Variants in AGXT observed in about 807,000 individuals in gnomAD.
AGXT encodes the protein L-alanine: glyoxylate aminotransferase 1.
AGXT carries 41 observed loss-of-function variants against 46.9 expected under a neutral mutation model. The ratio of observed to expected loss-of-function variants is 0.88; its 90% CI spans 0.68 to 1.14. AGXT has a LOEUF of 1.14. Ranked by LOEUF, AGXT falls within the 50% of genes most tolerant of loss-of-function variation. The pLI is 0.00. For missense variants in AGXT, 525 were observed against 522.7 expected (o/e 1.00, Z -0.04); for synonymous variants, 244 against 227.9 (o/e 1.07, Z -0.64).
intron 8 of AGXT, among the ~76,000 whole-genome samples, chr2:240,876,539 C>T (rs2059025632): frequency 6.6e-6 from 1 of 152,190 alleles, no homozygotes; most frequent in South Asian, 2.1e-4. Context: ...AGCAGCTCTG[C>T]AGGCCACGAG....
In AGXT at chr2:240,868,989, G is replaced by A. The variant is rs779515162; in HGVS notation, c.124G>A (p.Gly42Arg). The change falls in exon 1 of 11, where the codon GGG (glycine) becomes AGG (arginine). Residue 42 changes from glycine to arginine, a missense_variant. Physicochemically the swap from Gly to Arg is moderately radical, Grantham distance 125 (BLOSUM62 -2). Transcript: ENST00000307503. ...NLPPRIMAAG[G>R]LQMIGSMSKD... ...GCCTCCTCGCATCATGGCAGCCGGG[G>A]GGCTGCAGATGATCGGGTCCATGAG... 6.6e-7 allele frequency: 1 copy of A among 1,523,086 alleles called. No individual in the cohort carries two copies. The highest frequency in any genetic ancestry group is 1.8e-4 in the Middle Eastern group (1 of 5,690). The allele number at this position is 1,523,086 out of a possible 1,614,324, so 94.3% of individuals were successfully genotyped here. A position where few individuals can be genotyped will look rare whatever the true frequency, so the allele number is the denominator to read the frequency against.
In AGXT at chr2:240,877,430, C is replaced by T. The variant is rs780840772; in HGVS notation, c.847-107C>T. 2.0e-5 allele frequency: 23 copies of T among 1,144,382 alleles called. No homozygotes were observed. The South Asian group carries it at 3.0e-4, about 15-fold the overall frequency. 70.9% of individuals were successfully genotyped at this position (1,144,382 alleles called of 1,614,324 possible). ...CAAACTGGGGGCTCCAGGGGCTCCC[C>T]TGCACCAAGGCCTGCAGAGTCAGGT... is the stretch of plus-strand genomic sequence containing the variant. On this transcript the variant is annotated intron_variant, in intron 8 of 10. Transcript: ENST00000307503.
rs762757818 is a variant in AGXT, at chr2:240,875,179, T to A, written c.751T>A (p.Trp251Arg). 7 of 1,613,716 alleles carry A rather than the reference T, an allele frequency of 4.3e-6. No individual in the cohort carries two copies. The East Asian group carries it at 1.6e-4, about 36-fold the overall frequency. Reference sequence around the variant, plus strand: ...GGACATCAAGTGGCTGGCCAACTTCTGGGGCTGTGACGACCAGCCCAGGAT... The same window carrying A: ...GGACATCAAGTGGCTGGCCAACTTCAGGGGCTGTGACGACCAGCCCAGGAT... ...YLDIKWLANF[W>R]GCDDQPRMYH... Residue 251 changes from tryptophan (W) to arginine (R), a missense_variant, in exon 7 of 11, where the codon TGG becomes AGG. Physicochemically the swap from Trp to Arg is moderately radical, Grantham distance 101. Coordinates refer to ENST00000307503, the MANE Select transcript of AGXT (RefSeq NM_000030.3).
chr2:240,875,844 G>A, intron 7 of AGXT, 91 bp from the exon 8 acceptor site: 1 of 1,377,900 alleles, frequency 7.3e-7, no homozygotes, highest in South Asian at 1.2e-5. Context: ...CAGAGAGCCT[G>A]TGCTGTTGGG....
At chr2:240,870,831 C>G in intron 3 of AGXT, 123 bp downstream of exon 3, 2 of 936,190 alleles carry the variant, frequency 2.1e-6, no homozygotes, top group Non-Finnish European at 3.3e-6. Context: ...GGTGGCTGAC[C>G]CTCAGCCCAT....
At chr2:240,878,300 T>A (rs2059039337) in intron 10 of AGXT, 150 bp downstream of exon 10, 1 of 1,190,536 alleles carries the variant, frequency 8.4e-7, no homozygotes, top group Non-Finnish European at 1.2e-6. Context: ...CCAAGGGGTA[T>A]CCAGTAAAGC....
At chr2:240,875,797 G>A (rs928354585) in intron 7 of AGXT, 138 bp from the exon 8 acceptor site, 47 of 960,310 alleles carry the variant, frequency 4.9e-5, no homozygotes, top group Non-Finnish European at 6.8e-5. Context: ...TTCTGAACCC[G>A]GACAGGACTC....
intron 5 of AGXT, 135 bp downstream of exon 5, chr2:240,873,184 ACT>A: frequency 2.7e-6 from 2 of 742,366 alleles, no homozygotes; most frequent in Non-Finnish European, 2.3e-6. Context: ...CCAGGGAAAC[ACT>A]CACTCCTTAC....
rs569423619 is a variant in AGXT at position 240,875,663 on chromosome 2, T to G, written c.777-272T>G. Among the ~76,000 whole-genome samples the G allele has an allele frequency of 9.2e-5, 14 of 152,360 alleles. No homozygotes were observed. The East Asian group carries it at 2.7e-3, about 29-fold the overall frequency. On this transcript the variant is annotated intron_variant, in intron 7 of 10. Transcript: ENST00000307503. ...GCCGGCTTCGCAGGCACGCTGGGAC[T>G]GAGGGGCTCCGCAGGGAGGTGGTGG...
chr2:240,874,185 G>A (rs563393922), intron 6 of AGXT, 123 bp downstream of exon 6: 22 of 968,840 alleles, frequency 2.3e-5, no homozygotes, highest in East Asian at 1.0e-4. Flanking sequence ...AGCACCTGGC[G>A]CTCTCCCGCC....
At chr2:240,873,430 T>G (rs1190149728) in intron 5 of AGXT, 3 of 297,208 alleles carry the variant, frequency 1.0e-5, no homozygotes, top group East Asian at 1.7e-4. Context: ...CCCTGCGCCC[T>G]GCCAGGCTGC....
rs758007629 is a variant in AGXT at position 240,875,058 on chromosome 2, C to T, written c.681-51C>T. 11 of 1,497,716 alleles carry T rather than the reference C, an allele frequency of 7.3e-6. No homozygotes were observed. The East Asian group carries it at 1.4e-4, about 18-fold the overall frequency. The allele number at this position is 1,497,716 out of a possible 1,614,324, so 92.8% of individuals were successfully genotyped here. A position where few individuals can be genotyped will look rare whatever the true frequency, so the allele number is the denominator to read the frequency against. On this transcript the variant is annotated intron_variant, in intron 6 of 10. Coordinates refer to ENST00000307503, the MANE Select transcript of AGXT (RefSeq NM_000030.3). ...AGGACAGCCAGCGAGACTGCCCTGG[C>T]CTTCAGCCCAAACTGAGAGGCTGGT...
intron 7 of AGXT, among the ~76,000 whole-genome samples, chr2:240,875,524 A>G (rs867160475): frequency 4.6e-5 from 7 of 152,182 alleles, no homozygotes; most frequent in Middle Eastern, 3.2e-3. Flanking sequence ...CCTGGGCCTC[A>G]GCTTACCCCT....
In AGXT at chr2:240,874,301, T is replaced by A. The variant is rs553491282; in HGVS notation, c.680+239T>A. ...GTGCAGAGTCCACTGCTCTGGAAGT[T>A]CCCAGCTTCACAGCAAGGAGTGACC... On this transcript the variant is annotated intron_variant, in intron 6 of 10. Transcript: ENST00000307503. Among the ~76,000 whole-genome samples the A allele has an allele frequency of 3.5e-3, 531 of 152,206 alleles. 3 individuals are homozygous for A. Among genetic ancestry groups the A allele is most frequent in the African/African-American group, 0.012 (500 of 41,546 alleles).
chr2:240,875,265 T>A lies in AGXT; in HGVS notation c.776+61T>A, dbSNP rs951921203. The A allele has an allele frequency of 1.4e-5, 20 of 1,400,296 alleles. No individual in the cohort carries two copies. In the South Asian group the frequency reaches 2.2e-4, roughly 15 times the overall value. The allele number at this position is 1,400,296 out of a possible 1,614,324, so 86.7% of individuals were successfully genotyped here. On this transcript the variant is annotated intron_variant, in intron 7 of 10. Transcript: ENST00000307503. The stretch of plus-strand genomic sequence containing the variant: ...TGGGCATGGCTGAGAGGTGGGGCGC[T>A]GGCCTCTCACTGCACTCAGGGATTC...
At position 240,871,469 on chromosome 2, in the gene AGXT, G is replaced by A. The variant is rs769101845; in HGVS notation, c.524+20G>A. 45 of 1,557,520 alleles carry A rather than the reference G, an allele frequency of 2.9e-5. No individual in the cohort carries two copies. Among genetic ancestry groups the A allele is most frequent in the East Asian group, 4.8e-5 (2 of 41,920 alleles). ...CCACAGGTGAGCCTGGCCCCAGGGCGGTGGACTGGAGCACAGCTCAGAGCC... is the reference window on the plus strand; with the variant it reads ...CCACAGGTGAGCCTGGCCCCAGGGCAGTGGACTGGAGCACAGCTCAGAGCC... On this transcript the variant is annotated intron_variant, in intron 4 of 10. Coordinates refer to ENST00000307503, the MANE Select transcript of AGXT (RefSeq NM_000030.3).
At position 240,875,897 on chromosome 2, in the gene AGXT, G is replaced by A. The variant is rs760103890; in HGVS notation, c.777-38G>A. The A allele has an allele frequency of 8.1e-6, 13 of 1,609,354 alleles. 1 individual carries two copies. The highest frequency in any genetic ancestry group is 6.6e-5 in the South Asian group (6 of 90,902). ...TAATGCCCCATCTGCCCCCAACCCT[G>A]CCCATGGTGCTGGACCAAGCCCCCT... On this transcript the variant is annotated intron_variant, in intron 7 of 10. Coordinates refer to ENST00000307503, the MANE Select transcript of AGXT (RefSeq NM_000030.3).
chr2:240,869,491 C>T (rs1014631047), intron 2 of AGXT, 129 bp downstream of exon 2: 19 of 1,136,162 alleles, frequency 1.7e-5, no homozygotes, highest in Admixed American at 2.9e-5. Context: ...CCTGTGCGCA[C>T]GAACCTCCTG....
rs192068537 is a variant in AGXT, at chr2:240,879,452, A to T, written c.*631A>T. ...AGGTCCCCTATGCTCCCATCCAGCC[A>T]GTGCCCACCCCTCAACTGCCTGACT... is the stretch of plus-strand genomic sequence containing the variant. On this transcript the variant is annotated 3_prime_UTR_variant, in exon 11 of 11. Coordinates refer to ENST00000307503, the MANE Select transcript of AGXT (RefSeq NM_000030.3). 289 of 153,782 alleles carry T rather than the reference A, an allele frequency of 1.9e-3. 7 individuals carry two copies. The highest frequency in any genetic ancestry group is 0.014 in the Admixed American group (221 of 15,516). The allele number at this position is 153,782 out of a possible 1,614,324, so 9.5% of individuals were successfully genotyped here.
Sources: allele counts gnomAD v4.1 joint callset (sites outside exome capture counted in the v4.1 genomes callset), GRCh38; gene constraint gnomAD v4.1.1; transcripts MANE v1.5; gene names NCBI Gene and HGNC (gene_info 2026-07-23, HGNC 2026-07-21).